Variants in GALNT13 observed in about 807,000 individuals in gnomAD.
The protein encoded by GALNT13 is polypeptide N-acetylgalactosaminyltransferase 13.
Under a neutral mutation model 64.2 loss-of-function variants are expected in GALNT13, and 28 were observed. The ratio of observed to expected loss-of-function variants is 0.44; its 90% CI spans 0.32 to 0.60. The LOEUF (loss-of-function observed/expected upper bound fraction) is 0.60, where lower values mean the gene tolerates loss of function less well. Ranked by LOEUF, GALNT13 falls within the 20% of genes least tolerant of loss-of-function variation. The probability of loss-of-function intolerance (pLI) is 0.05; values close to 1 mark genes in which losing one functional copy is unlikely to be tolerated. For synonymous variants in GALNT13, 214 were observed against 224.6 expected, an observed-to-expected ratio of 0.95 and a Z score of 0.42; for missense variants, 577 against 669.8, an observed-to-expected ratio of 0.86 and a Z score of 1.53.
chr2:153,530,506 AAG>A, the GALNT13 span, among the ~76,000 whole-genome samples: 2 of 152,188 alleles, frequency 1.3e-5, no homozygotes, highest in African/African-American at 4.8e-5. Flanking sequence ...TTCTTCAAAA[AAG>A]TAGAAAAAAC....
the GALNT13 span, among the ~76,000 whole-genome samples, chr2:153,266,364 A>G: frequency 6.6e-6 from 1 of 152,092 alleles, no homozygotes; most frequent in Non-Finnish European, 1.5e-5. Flanking sequence ...GAACCTTACA[A>G]CTCTAAATGT....
the GALNT13 span, among the ~76,000 whole-genome samples, chr2:153,630,813 T>TTA: frequency 4.0e-4 from 20 of 50,628 alleles, no homozygotes; most frequent in African/African-American, 1.3e-3. Flanking sequence ...ATATATTTTT[T>TTA]TTTTTTTTTT....
At chr2:154,375,207 C>G (rs1697915907) in intron 9 of GALNT13, among the ~76,000 whole-genome samples, 1 of 101,062 alleles carries the variant, frequency 9.9e-6, no homozygotes, top group Non-Finnish European at 2.4e-5. Flanking sequence ...CCAGGATGAT[C>G]TCGATCTACT....
At position 154,403,712 on chromosome 2, in the gene GALNT13, G is replaced by C. The variant is rs553451647; in HGVS notation, c.1297-5272G>C. Among the ~76,000 whole-genome samples the C allele has an allele frequency of 4.6e-5, 7 of 152,182 alleles. No homozygotes were observed. In the South Asian group the frequency reaches 1.5e-3, roughly 32 times the overall value. ...ACCTGGTCCCCCAGGCCTAATACCAGGTTGCCTTTATGTATCTTTTTTCAT... is the reference window on the plus strand; with the variant it reads ...ACCTGGTCCCCCAGGCCTAATACCACGTTGCCTTTATGTATCTTTTTTCAT... On this transcript the variant is annotated intron_variant, in intron 10 of 12. Coordinates refer to ENST00000392825, the MANE Select transcript of GALNT13 (RefSeq NM_052917.4).
intron 3 of GALNT13, among the ~76,000 whole-genome samples, chr2:154,001,681 C>G (rs1695920397): frequency 6.6e-6 from 1 of 151,960 alleles, no homozygotes; most frequent in South Asian, 2.1e-4. Flanking sequence ...AGTCTTCATA[C>G]TAATGATAGT....
the GALNT13 span, among the ~76,000 whole-genome samples, chr2:153,231,099 G>T: frequency 3.9e-5 from 6 of 152,056 alleles, no homozygotes; most frequent in African/African-American, 1.4e-4. Context: ...CTCCTTCATC[G>T]GTTTTAACTA....
intron 7 of GALNT13, among the ~76,000 whole-genome samples, chr2:154,250,943 C>A (rs541048355): frequency 6.6e-6 from 1 of 152,036 alleles, no homozygotes; most frequent in Non-Finnish European, 1.5e-5. Context: ...GAATGCTCAA[C>A]TAGTCAATGC....
intron 3 of GALNT13, among the ~76,000 whole-genome samples, chr2:154,086,010 T>G (rs1029940431): frequency 6.6e-6 from 1 of 151,810 alleles, no homozygotes; most frequent in Non-Finnish European, 1.5e-5. Flanking sequence ...TGTTATACTA[T>G]GGTTGTTGCC....
the GALNT13 span, among the ~76,000 whole-genome samples, chr2:153,499,816 A>G: frequency 6.6e-6 from 1 of 152,222 alleles, no homozygotes; most frequent in Non-Finnish European, 1.5e-5. Flanking sequence ...CAGTGGGAGC[A>G]GGCACTTCTG....
At chr2:154,083,724 T>C (rs570101979) in intron 3 of GALNT13, among the ~76,000 whole-genome samples, 2 of 151,936 alleles carry the variant, frequency 1.3e-5, no homozygotes, top group East Asian at 3.9e-4. Context: ...TGTCTTTGTG[T>C]CTTCTCACCA....
At chr2:154,151,158 T>G (rs1683990556) in intron 4 of GALNT13, among the ~76,000 whole-genome samples, 1 of 152,194 alleles carries the variant, frequency 6.6e-6, no homozygotes, top group African/African-American at 2.4e-5. Context: ...TCAAAGAACA[T>G]CTTTATTTCT....
chr2:153,955,898 A>G (rs1242054967), intron 3 of GALNT13, among the ~76,000 whole-genome samples: 2 of 152,204 alleles, frequency 1.3e-5, no homozygotes, highest in African/African-American at 4.8e-5. Context: ...ACCAAGGGAC[A>G]CGATGGACCC....
chr2:153,659,471 T>C, the GALNT13 span, among the ~76,000 whole-genome samples: 7 of 152,162 alleles, frequency 4.6e-5, no homozygotes. Context: ...TCTAAATTCT[T>C]CCTCTTCCTT....
the GALNT13 span, among the ~76,000 whole-genome samples, chr2:153,646,274 G>C: frequency 6.6e-6 from 1 of 151,750 alleles, no homozygotes; most frequent in African/African-American, 2.4e-5. Context: ...AGTGACCCCT[G>C]AAACATATTA....
At chr2:153,726,974 A>G in the GALNT13 span, among the ~76,000 whole-genome samples, 4 of 151,432 alleles carry the variant, frequency 2.6e-5, no homozygotes, top group Admixed American at 6.6e-5. Context: ...AAAACCACAC[A>G]TATTAGGTTG....
the GALNT13 span, among the ~76,000 whole-genome samples, chr2:153,770,100 AG>A: frequency 6.6e-6 from 1 of 151,996 alleles, no homozygotes; most frequent in African/African-American, 2.4e-5. Flanking sequence ...ATTGCTGGAG[AG>A]TTAATGTAGT....
chr2:153,236,456 T>C, the GALNT13 span, among the ~76,000 whole-genome samples: 3 of 152,088 alleles, frequency 2.0e-5, no homozygotes, highest in African/African-American at 7.2e-5. Flanking sequence ...GACTTTCTTG[T>C]TGGGGGCTAA....
intron 9 of GALNT13, among the ~76,000 whole-genome samples, chr2:154,378,618 A>G (rs959897556): frequency 6.6e-6 from 1 of 152,144 alleles, no homozygotes; most frequent in African/African-American, 2.4e-5. Flanking sequence ...TAAGTCACAG[A>G]TAATTTTTCT....
intron 2 of GALNT13, among the ~76,000 whole-genome samples, chr2:153,913,242 C>G (rs1474434593): frequency 6.6e-6 from 1 of 152,102 alleles, no homozygotes; most frequent in Non-Finnish European, 1.5e-5. Flanking sequence ...GGGCAGGCGG[C>G]TTTCATGCCT....
Sources: allele counts gnomAD v4.1 joint callset (sites outside exome capture counted in the v4.1 genomes callset), GRCh38; gene constraint gnomAD v4.1.1; transcripts MANE v1.5; gene names NCBI Gene and HGNC (gene_info 2026-07-23, HGNC 2026-07-21).